The following NOX3 variants were observed in gnomAD, a reference collection of about 807,000 sequenced individuals.
The protein encoded by NOX3 is NADPH oxidase catalytic subunit-like 3.
Under a neutral mutation model 76.7 loss-of-function variants are expected in NOX3, and 74 were observed. The ratio of observed to expected loss-of-function variants is 0.96; its 90% CI spans 0.80 to 1.17. NOX3 has a LOEUF of 1.17. Among genes scored for constraint, NOX3 ranks in the 50% most tolerant of loss-of-function variants. The pLI is 0.00. For synonymous variants in NOX3, 263 were observed against 261.1 expected (o/e 1.01, Z -0.07); for missense variants, 695 against 703.3 (o/e 0.99, Z 0.13).
chr6:155,427,326 G>A (rs1355135772), intron 9 of NOX3, among the ~76,000 whole-genome samples: 2 of 152,056 alleles, frequency 1.3e-5, no homozygotes, highest in South Asian at 2.1e-4. Flanking sequence ...AGTAGCCTAC[G>A]AAAACAGGGA....
intron 5 of NOX3, 32 bp from the exon 6 acceptor site, chr6:155,440,169 C>G (rs1303862751): frequency 1.3e-6 from 2 of 1,493,058 alleles, no homozygotes; most frequent in Non-Finnish European, 1.8e-6. Context: ...AAAAAAGAAA[C>G]AAACAAAAAA....
intron 7 of NOX3, among the ~76,000 whole-genome samples, chr6:155,434,335 G>T (rs1776874056): frequency 6.6e-6 from 1 of 152,174 alleles, no homozygotes. Context: ...TGCTTCTCCG[G>T]CCTAGGACGA....
intron 6 of NOX3, 84 bp downstream of exon 6, chr6:155,439,872 G>A: frequency 2.3e-6 from 3 of 1,285,760 alleles, no homozygotes; most frequent in African/African-American, 1.5e-5. Flanking sequence ...CCGCACGCCG[G>A]CTCCTTCATC....
At chr6:155,434,107 T>C (rs1022254820) in intron 7 of NOX3, among the ~76,000 whole-genome samples, 2 of 152,220 alleles carry the variant, frequency 1.3e-5, no homozygotes, top group African/African-American at 4.8e-5. Context: ...GAATAGCCTC[T>C]TTTTCTAGAC....
intron 10 of NOX3, among the ~76,000 whole-genome samples, chr6:155,414,630 T>C (rs532469387): frequency 6.6e-4 from 92 of 140,210 alleles, no homozygotes; most frequent in African/African-American, 1.8e-3. Context: ...TTTCTTTTTT[T>C]TTTTTTTTTT....
intron 9 of NOX3, among the ~76,000 whole-genome samples, chr6:155,425,955 TG>T (rs1776750038): frequency 6.6e-6 from 1 of 152,242 alleles, no homozygotes; most frequent in African/African-American, 2.4e-5. Flanking sequence ...CTTCCCCTCC[TG>T]GGCATCTCAC....
chr6:155,442,229 A>T (rs756184950), intron 5 of NOX3, among the ~76,000 whole-genome samples: 2 of 152,134 alleles, frequency 1.3e-5, no homozygotes, highest in Non-Finnish European at 2.9e-5. Context: ...GCACCACTGC[A>T]CTCCAGCTCT....
At chr6:155,425,423 T>A (rs1009994769) in intron 9 of NOX3, among the ~76,000 whole-genome samples, 1 of 152,150 alleles carries the variant, frequency 6.6e-6, no homozygotes, top group African/African-American at 2.4e-5. Flanking sequence ...CTTGCCTGCA[T>A]CCCTGTCCTG....
In NOX3 at chr6:155,411,361, C is replaced by T; in HGVS notation, c.1309-1G>A. 6.2e-7 allele frequency: 1 copy of T among 1,612,040 alleles called. No individual in the cohort carries two copies. The highest frequency in any genetic ancestry group is 8.5e-7 in the Non-Finnish European group (1 of 1,179,066). On this transcript the variant is annotated splice_acceptor_variant, in intron 10 of 13. Transcript: ENST00000159060. LOFTEE classifies it high-confidence loss of function. ...CCCGGCAAATCCAGTAGAAATACACCTGTCAAGAGAGAAGGCAAGTGAACG... is the reference window on the plus strand; with the variant it reads ...CCCGGCAAATCCAGTAGAAATACACTTGTCAAGAGAGAAGGCAAGTGAACG...
chr6:155,440,209 AT>A (rs561715949), intron 5 of NOX3, 72 bp from the exon 6 acceptor site: 39,106 of 956,180 alleles, frequency 0.041, 4 homozygotes, highest in South Asian at 0.065. Context: ...ATCCTGGCAT[AT>A]TTTTTTTTTT....
chr6:155,429,731 G>GA (rs1185985121), intron 8 of NOX3, among the ~76,000 whole-genome samples: 1 of 152,068 alleles, frequency 6.6e-6, no homozygotes, highest in Non-Finnish European at 1.5e-5. Context: ...CTTGTTTCCT[G>GA]AAAAATCTCT....
intron 9 of NOX3, among the ~76,000 whole-genome samples, chr6:155,428,020 C>G (rs2114693645): frequency 6.6e-6 from 1 of 152,338 alleles, no homozygotes; most frequent in Non-Finnish European, 1.5e-5. Context: ...CCTGCCTCAG[C>G]CACCCAGATA....
intron 7 of NOX3, among the ~76,000 whole-genome samples, chr6:155,435,597 T>C (rs1298090218): frequency 1.3e-5 from 2 of 152,236 alleles, no homozygotes; most frequent in Admixed American, 1.3e-4. Context: ...TCTTCATCAT[T>C]TGTATACTAT....
chr6:155,408,169 T>A (rs80002170), intron 11 of NOX3, among the ~76,000 whole-genome samples: 4,121 of 152,150 alleles, frequency 0.027, 138 homozygotes, highest in East Asian at 0.15. Flanking sequence ...TGTATTTTTA[T>A]TGGAGACAGG....
At chr6:155,427,267 C>A (rs1183996508) in intron 9 of NOX3, among the ~76,000 whole-genome samples, 1 of 152,090 alleles carries the variant, frequency 6.6e-6, no homozygotes, top group Non-Finnish European at 1.5e-5. Flanking sequence ...AGGCCTGTGA[C>A]TCTTCCTACC....
chr6:155,435,614 C>T (rs1776894358), intron 7 of NOX3, among the ~76,000 whole-genome samples: 1 of 152,052 alleles, frequency 6.6e-6, no homozygotes. Context: ...CTATTATACC[C>T]TGTTATTCCA....
rs572376523 is a variant in NOX3 at position 155,410,608 on chromosome 6, C to T, written c.1455+606G>A. On this transcript the variant is annotated intron_variant, in intron 11 of 13. Transcript: ENST00000159060. ...ATACATTATTTTTGGTAAATTCAAT[C>T]TTAATATTTCATTAATACAATATAC... 2.0e-5 allele frequency among the ~76,000 whole-genome samples: 3 copies of T among 152,224 alleles called. No individual in the cohort carries two copies. The South Asian group carries it at 6.2e-4, about 32-fold the overall frequency.
chr6:155,400,821 C>A (rs1779214528), intron 12 of NOX3, among the ~76,000 whole-genome samples: 2 of 152,176 alleles, frequency 1.3e-5, no homozygotes, highest in African/African-American at 4.8e-5. Flanking sequence ...GCAGCCAGAA[C>A]TGTGCTGTTC....
At chr6:155,401,812 C>T (rs1024404692) in intron 12 of NOX3, among the ~76,000 whole-genome samples, 1 of 147,440 alleles carries the variant, frequency 6.8e-6, no homozygotes, top group Non-Finnish European at 1.5e-5. Flanking sequence ...AAAAAATGAC[C>T]AAACTTTAAA....
Sources: allele counts gnomAD v4.1 joint callset (sites outside exome capture counted in the v4.1 genomes callset), GRCh38; gene constraint gnomAD v4.1.1; transcripts MANE v1.5; gene names NCBI Gene and HGNC (gene_info 2026-07-23, HGNC 2026-07-21).